WWOX: variants seen among roughly 807,000 people sequenced by gnomAD.
The protein encoded by WWOX is WW domain-containing oxidoreductase.
Under a neutral mutation model 46.2 loss-of-function variants are expected in WWOX, and 69 were observed. The observed-to-expected ratio is 1.49, with a 90% CI of 1.23 to 1.82. The LOEUF (loss-of-function observed/expected upper bound fraction) is 1.82. Ranked by LOEUF, WWOX falls within the 40% of genes most tolerant of loss-of-function variation. The probability of loss-of-function intolerance (pLI) is 0.00; values close to 1 mark genes in which losing one functional copy is unlikely to be tolerated. For missense variants in WWOX, 919 were observed against 542.6 expected (o/e 1.69, Z -6.89); for synonymous variants, 359 against 202.6 (o/e 1.77, Z -6.56).
At chr16:78,141,820 G>T (rs894673429) in intron 4 of WWOX, among the ~76,000 whole-genome samples, 1 of 151,890 alleles carries the variant, frequency 6.6e-6, no homozygotes, top group Non-Finnish European at 1.5e-5. Flanking sequence ...GAATTATACG[G>T]TGCTAAACAA....
chr16:78,554,819 C>T (rs917238981), intron 8 of WWOX, among the ~76,000 whole-genome samples: 1 of 152,284 alleles, frequency 6.6e-6, no homozygotes, highest in South Asian at 2.1e-4. Flanking sequence ...CACCCAGAGC[C>T]CCTGACTCTG....
At chr16:78,307,042 T>TAGC (rs1263682084) in intron 5 of WWOX, among the ~76,000 whole-genome samples, 2 of 152,234 alleles carry the variant, frequency 1.3e-5, no homozygotes, top group African/African-American at 4.8e-5. Flanking sequence ...AGATAATAGT[T>TAGC]AGCAACCCAT....
At chr16:78,967,459 G>GTT (rs57576563) in intron 8 of WWOX, among the ~76,000 whole-genome samples, 2,477 of 98,148 alleles carry the variant, frequency 0.025, 158 homozygotes, top group African/African-American at 0.086. Context: ...AATTTTTGTG[G>GTT]TTTTTTTTTT....
At chr16:78,826,952 A>G (rs1328682578) in intron 8 of WWOX, among the ~76,000 whole-genome samples, 1 of 152,082 alleles carries the variant, frequency 6.6e-6, no homozygotes, top group Non-Finnish European at 1.5e-5. Context: ...CATTTTTTGA[A>G]TATGTTTCTT....
At chr16:79,137,805 C>A (rs937839750) in intron 8 of WWOX, among the ~76,000 whole-genome samples, 2 of 152,062 alleles carry the variant, frequency 1.3e-5, no homozygotes, top group East Asian at 3.9e-4. Context: ...TAATGACTTC[C>A]AGGTGTGCCT....
intron 8 of WWOX, among the ~76,000 whole-genome samples, chr16:78,844,122 G>C (rs1232668704): frequency 5.9e-5 from 9 of 152,156 alleles, no homozygotes; most frequent in Non-Finnish European, 1.3e-4. Flanking sequence ...GACCGATACT[G>C]TGGTTGAAAT....
intron 8 of WWOX, among the ~76,000 whole-genome samples, chr16:78,586,177 C>T (rs774431351): frequency 4.6e-5 from 7 of 151,960 alleles, no homozygotes; most frequent in Non-Finnish European, 7.4e-5. Context: ...GGCAACATAG[C>T]GAGACCCTGT....
At chr16:79,185,944 C>CTGTGTGTG in intron 8 of WWOX, among the ~76,000 whole-genome samples, 1 of 149,132 alleles carries the variant, frequency 6.7e-6, no homozygotes, top group Admixed American at 6.7e-5. Flanking sequence ...GATGCCATGT[C>CTGTGTGTG]TGTGTGTGTG....
intron 8 of WWOX, among the ~76,000 whole-genome samples, chr16:78,966,353 C>G (rs1424223782): frequency 1.3e-5 from 2 of 152,180 alleles, no homozygotes; most frequent in Non-Finnish European, 2.9e-5. Context: ...TGTACACCCC[C>G]TATCCTGGCA....
At chr16:79,148,597 G>A (rs1194150035) in intron 8 of WWOX, among the ~76,000 whole-genome samples, 1 of 152,090 alleles carries the variant, frequency 6.6e-6, no homozygotes, top group Non-Finnish European at 1.5e-5. Flanking sequence ...ATGTCTACCA[G>A]AAGCCTTGCT....
chr16:78,713,273 C>CAA (rs5818165), intron 8 of WWOX, among the ~76,000 whole-genome samples: 395 of 17,016 alleles, frequency 0.023, 52 homozygotes, highest in African/African-American at 0.041. Context: ...GACTCTGTCT[C>CAA]AAAAAAAAAA....
At chr16:78,250,061 C>G (rs962886532) in intron 5 of WWOX, among the ~76,000 whole-genome samples, 1 of 152,192 alleles carries the variant, frequency 6.6e-6, no homozygotes, top group African/African-American at 2.4e-5. Flanking sequence ...ACAGACCTGG[C>G]CTTGGGCAAG....
chr16:79,156,975 G>A (rs2050394113), intron 8 of WWOX, among the ~76,000 whole-genome samples: 1 of 152,216 alleles, frequency 6.6e-6, no homozygotes, highest in Non-Finnish European at 1.5e-5. Context: ...GATTGTTGCA[G>A]ATACCCTGAA....
At chr16:79,207,097 G>C (rs2051538967) in intron 8 of WWOX, among the ~76,000 whole-genome samples, 1 of 152,212 alleles carries the variant, frequency 6.6e-6, no homozygotes, top group Admixed American at 6.5e-5. Flanking sequence ...GACAGGGAAA[G>C]ACAGGGCGTG....
chr16:79,072,252 A>G (rs1035055118), intron 8 of WWOX, among the ~76,000 whole-genome samples: 6 of 152,156 alleles, frequency 3.9e-5, no homozygotes, highest in African/African-American at 1.4e-4. Flanking sequence ...TACCACTGCA[A>G]TCTAGCCTGA....
intron 8 of WWOX, among the ~76,000 whole-genome samples, chr16:78,460,273 A>G (rs1440768921): frequency 1.3e-5 from 2 of 152,116 alleles, no homozygotes; most frequent in African/African-American, 4.8e-5. Context: ...TTTTGCAGGC[A>G]TGCACCACCA....
intron 5 of WWOX, among the ~76,000 whole-genome samples, chr16:78,315,288 T>G (rs1300480282): frequency 6.6e-6 from 1 of 152,176 alleles, no homozygotes. Context: ...GAAACTGTTT[T>G]TTTTCCTTGT....
intron 8 of WWOX, among the ~76,000 whole-genome samples, chr16:78,791,377 C>G (rs2050595490): frequency 6.6e-6 from 1 of 152,148 alleles, no homozygotes; most frequent in South Asian, 2.1e-4. Context: ...GCAGGAGCAG[C>G]CGATCTGAGA....
At chr16:78,698,969 T>C (rs1046838015) in intron 8 of WWOX, among the ~76,000 whole-genome samples, 2 of 152,228 alleles carry the variant, frequency 1.3e-5, no homozygotes, top group African/African-American at 4.8e-5. Flanking sequence ...TAGAAACTGT[T>C]AGGCCAATGT....
Sources: allele counts gnomAD v4.1 joint callset (sites outside exome capture counted in the v4.1 genomes callset), GRCh38; gene constraint gnomAD v4.1.1; transcripts MANE v1.5; gene names NCBI Gene and HGNC (gene_info 2026-07-23, HGNC 2026-07-21).